Variants in PDE8B observed in about 807,000 individuals in gnomAD.
PDE8B encodes the protein phosphodiesterase 8B.
In PDE8B, 26 loss-of-function variants were observed where a neutral mutation model predicts 101.3. That is an observed-to-expected ratio of 0.26 (90% CI 0.19 to 0.36). The LOEUF (loss-of-function observed/expected upper bound fraction) is 0.36. PDE8B is among the 10% of genes least tolerant of loss of function. The pLI is 1.00. For missense variants in PDE8B, 810 were observed against 1,163.1 expected (o/e 0.70, Z 4.42); for synonymous variants, 424 against 429.3 (o/e 0.99, Z 0.15).
intron 1 of PDE8B, among the ~76,000 whole-genome samples, chr5:77,237,600 A>G (rs1011670432): frequency 2.0e-5 from 3 of 152,070 alleles, no homozygotes; most frequent in African/African-American, 7.2e-5. Context: ...CATGTCATAA[A>G]TTTTTCTTTC....
the PDE8B span, among the ~76,000 whole-genome samples, chr5:77,129,455 C>T: frequency 7.2e-5 from 11 of 152,058 alleles, no homozygotes; most frequent in Non-Finnish European, 1.5e-4. Flanking sequence ...TTTTTCTCGT[C>T]ATTCCTGTCA....
At chr5:77,373,974 C>T (rs966510294) in intron 10 of PDE8B, among the ~76,000 whole-genome samples, 1 of 152,128 alleles carries the variant, frequency 6.6e-6, no homozygotes, top group Non-Finnish European at 1.5e-5. Flanking sequence ...CTCAGCCTCC[C>T]GAGTAGCTGG....
the PDE8B span, among the ~76,000 whole-genome samples, chr5:77,120,984 T>C: frequency 6.6e-6 from 1 of 152,228 alleles, no homozygotes; most frequent in Non-Finnish European, 1.5e-5. Context: ...GGTCAAAGCC[T>C]ATGCAGAACC....
At chr5:77,129,052 G>A in the PDE8B span, among the ~76,000 whole-genome samples, 1 of 152,256 alleles carries the variant, frequency 6.6e-6, no homozygotes, top group East Asian at 1.9e-4. Flanking sequence ...TTTCTGGATA[G>A]TTTATTTCTC....
At chr5:77,308,308 G>A (rs979605554) in intron 1 of PDE8B, among the ~76,000 whole-genome samples, 11 of 152,164 alleles carry the variant, frequency 7.2e-5, no homozygotes, top group African/African-American at 2.4e-4. Context: ...TGTGGGTCAG[G>A]ACTAGAGGAG....
chr5:77,188,913 A>G, the PDE8B span, among the ~76,000 whole-genome samples: 2 of 152,024 alleles, frequency 1.3e-5, no homozygotes, highest in African/African-American at 2.4e-5. Flanking sequence ...TCAGTGGGGG[A>G]AGGGAGAAGA....
intron 10 of PDE8B, among the ~76,000 whole-genome samples, chr5:77,382,769 CT>C (rs571751242): frequency 9.3e-4 from 141 of 152,212 alleles, no homozygotes; most frequent in Admixed American, 1.8e-3. Context: ...TGAACTCATC[CT>C]TTTTTTATGG....
the PDE8B span, among the ~76,000 whole-genome samples, chr5:77,154,630 T>A: frequency 6.6e-6 from 1 of 152,150 alleles, no homozygotes; most frequent in African/African-American, 2.4e-5. Flanking sequence ...CCAGTGAGAC[T>A]CAGGACTACT....
chr5:77,188,747 T>C, the PDE8B span, among the ~76,000 whole-genome samples: 1 of 152,136 alleles, frequency 6.6e-6, no homozygotes, highest in Non-Finnish European at 1.5e-5. Flanking sequence ...CAGAGGACAA[T>C]GTAATATTGT....
intron 14 of PDE8B, 45 bp downstream of exon 14, chr5:77,409,102 G>T (rs1445525379): frequency 6.5e-7 from 1 of 1,542,904 alleles, no homozygotes. Flanking sequence ...GGTATCCGGG[G>T]CCTCTAGAGT....
chr5:77,250,136 C>A (rs1016383234), intron 1 of PDE8B, among the ~76,000 whole-genome samples: 1 of 152,218 alleles, frequency 6.6e-6, no homozygotes, highest in Non-Finnish European at 1.5e-5. Flanking sequence ...ACATTTATTG[C>A]ATGCTTACTC....
intron 1 of PDE8B, among the ~76,000 whole-genome samples, chr5:77,277,812 A>G (rs528736453): frequency 1.3e-5 from 2 of 152,352 alleles, no homozygotes; most frequent in African/African-American, 2.4e-5. Flanking sequence ...AATTTTTCAC[A>G]TAGGTGAAAC....
At chr5:77,117,936 G>T in the PDE8B span, among the ~76,000 whole-genome samples, 1 of 151,660 alleles carries the variant, frequency 6.6e-6, no homozygotes, top group Admixed American at 6.6e-5. Context: ...TTTTTTTGGT[G>T]GTGGTGGTTG....
intron 1 of PDE8B, chr5:77,291,368 G>C: frequency 1.2e-6 from 2 of 1,611,982 alleles, no homozygotes; most frequent in Non-Finnish European, 1.7e-6. Context: ...GTAGCACAGT[G>C]GTCTATGGGG....
chr5:77,171,535 C>T, the PDE8B span, among the ~76,000 whole-genome samples: 1 of 152,188 alleles, frequency 6.6e-6, no homozygotes, highest in Non-Finnish European at 1.5e-5. Flanking sequence ...AATCACAATG[C>T]AGCTCTAAAG....
chr5:77,176,142 T>C, the PDE8B span, among the ~76,000 whole-genome samples: 6 of 152,208 alleles, frequency 3.9e-5, no homozygotes, highest in African/African-American at 1.4e-4. Flanking sequence ...TAGATTCCAC[T>C]GCACGTCCAG....
At chr5:77,407,256 A>C in intron 12 of PDE8B, 125 bp from the exon 13 acceptor site, 1 of 773,932 alleles carries the variant, frequency 1.3e-6, no homozygotes, top group Non-Finnish European at 2.3e-6. Context: ...GGGTGAATTC[A>C]TGGCTTTTTA....
At chr5:77,157,136 A>G in the PDE8B span, among the ~76,000 whole-genome samples, 1 of 152,026 alleles carries the variant, frequency 6.6e-6, no homozygotes, top group Non-Finnish European at 1.5e-5. Flanking sequence ...AAACTGTCTC[A>G]CTGTCTCCTG....
At chr5:77,116,404 G>A in the PDE8B span, among the ~76,000 whole-genome samples, 1 of 151,574 alleles carries the variant, frequency 6.6e-6, no homozygotes, top group Admixed American at 6.6e-5. Context: ...GCTAACTCTT[G>A]TATTTTTACA....
Sources: allele counts gnomAD v4.1 joint callset (sites outside exome capture counted in the v4.1 genomes callset), GRCh38; gene constraint gnomAD v4.1.1; transcripts MANE v1.5; gene names NCBI Gene and HGNC (gene_info 2026-07-23, HGNC 2026-07-21).